The following LRCH3 variants were observed in gnomAD, a reference collection of about 807,000 sequenced individuals.
LRCH3 encodes the protein DISP complex protein LRCH3.
In LRCH3, 68 loss-of-function variants were observed where a neutral mutation model predicts 104.5. The observed-to-expected ratio is 0.65, with a 90% CI of 0.54 to 0.80. The LOEUF (loss-of-function observed/expected upper bound fraction) is 0.80, where lower values mean the gene tolerates loss of function less well. Among genes scored for constraint, LRCH3 ranks in the 30% least tolerant of loss-of-function variants. LRCH3 has a pLI of 0.00. For synonymous variants in LRCH3, 344 were observed against 361.3 expected (o/e 0.95, Z 0.54); for missense variants, 951 against 953.9 (o/e 1.00, Z 0.04).
chr3:197,835,335 C>T lies in LRCH3; in HGVS notation c.1103-339C>T, dbSNP rs142057161. 3.0e-3 allele frequency among the ~76,000 whole-genome samples: 457 copies of T among 151,648 alleles called. 5 individuals are homozygous for T. Among genetic ancestry groups the T allele is most frequent in the Middle Eastern group, 0.027 (8 of 294 alleles). Reference sequence around the variant, plus strand: ...AGTAGCTGGGACTACAGGCGTGTGCCACTAAGCCCAGCTAATTTTTGTATT... The same window carrying T: ...AGTAGCTGGGACTACAGGCGTGTGCTACTAAGCCCAGCTAATTTTTGTATT... On this transcript the variant is annotated intron_variant, in intron 8 of 20. Coordinates refer to ENST00000425562, the MANE Select transcript of LRCH3 (RefSeq NM_001365715.1).
rs1017560973 is a variant in LRCH3 at position 197,886,818 on chromosome 3, A to AAC, written c.*3153_*3154insCA. 2.6e-5 allele frequency: 4 copies of AAC among 151,976 alleles called. No homozygotes were observed. Among genetic ancestry groups the AAC allele is most frequent in the African/African-American group, 7.3e-5 (3 of 41,334 alleles). 9.4% of individuals were successfully genotyped at this position (151,976 alleles called of 1,614,324 possible). A position where few individuals can be genotyped will look rare whatever the true frequency, so the allele number is the denominator to read the frequency against. The stretch of plus-strand genomic sequence containing the variant: ...AGACTCTGTCTCAAAAAAAAAAAAA[A>AAC]AAAAAAACCCACCAAACCAAAAATA... On this transcript the variant is annotated 3_prime_UTR_variant, in exon 21 of 21. Coordinates refer to ENST00000425562, the MANE Select transcript of LRCH3 (RefSeq NM_001365715.1).
At chr3:197,859,847 T>A (rs1740680498) in intron 15 of LRCH3, among the ~76,000 whole-genome samples, 1 of 152,182 alleles carries the variant, frequency 6.6e-6, no homozygotes, top group African/African-American at 2.4e-5. Flanking sequence ...CATCCTTAGC[T>A]TCTTCCTAAA....
At chr3:197,850,407 C>T (rs1239705326) in intron 12 of LRCH3, 26 of 1,356,638 alleles carry the variant, frequency 1.9e-5, no homozygotes, top group South Asian at 8.4e-5. Context: ...AATTTACTCC[C>T]GTGCCGTAAG....
intron 1 of LRCH3, among the ~76,000 whole-genome samples, chr3:197,799,698 C>G (rs1731651893): frequency 6.6e-6 from 1 of 151,950 alleles, no homozygotes; most frequent in Non-Finnish European, 1.5e-5. Flanking sequence ...GAAACCCCGT[C>G]TCTACTAAAA....
In LRCH3 at chr3:197,825,464, A is replaced by ATTTTT. The variant is rs58237989; in HGVS notation, c.641-1385_641-1381dup. ...TAGACCTCTTTGTTGATCCTCTTTG[A>ATTTTT]TTTTTTTTTTTTTTTTTTTTTTTTT... On this transcript the variant is annotated intron_variant, in intron 4 of 20. Transcript: ENST00000425562. 3.5e-3 allele frequency among the ~76,000 whole-genome samples: 70 copies of ATTTTT among 20,072 alleles called. 22 individuals carry two copies. Among genetic ancestry groups the ATTTTT allele is most frequent in the Non-Finnish European group, 4.6e-3 (50 of 10,754 alleles). 13.2% of individuals were successfully genotyped at this position (20,072 alleles called of 152,430 possible).
chr3:197,804,445 A>G (rs1732247047), intron 1 of LRCH3, among the ~76,000 whole-genome samples: 1 of 151,960 alleles, frequency 6.6e-6, no homozygotes, highest in African/African-American at 2.4e-5. Context: ...CTTAAGTTAT[A>G]CTGGAAAATA....
At chr3:197,815,481 A>G (rs1257893912) in intron 2 of LRCH3, among the ~76,000 whole-genome samples, 1 of 152,184 alleles carries the variant, frequency 6.6e-6, no homozygotes, top group African/African-American at 2.4e-5. Context: ...TGTGGTTTCT[A>G]CTGAATGTGT....
At chr3:197,858,343 A>G (rs927292811) in intron 14 of LRCH3, among the ~76,000 whole-genome samples, 4 of 152,170 alleles carry the variant, frequency 2.6e-5, no homozygotes, top group African/African-American at 7.2e-5. Flanking sequence ...AGTCATTAGG[A>G]GTTTCACAGA....
chr3:197,808,716 C>CTCTT lies in LRCH3; in HGVS notation c.263-6192_263-6191insTCTT, dbSNP rs1457083451. 2.6e-5 allele frequency among the ~76,000 whole-genome samples: 4 copies of CTCTT among 151,628 alleles called. No individual in the cohort carries two copies. In the East Asian group the frequency reaches 7.8e-4, roughly 30 times the overall value. On this transcript the variant is annotated intron_variant, in intron 1 of 20. Coordinates refer to ENST00000425562, the MANE Select transcript of LRCH3 (RefSeq NM_001365715.1). ...CACTTGAGCCCAGGAGTTTCAAGAC[C>CTCTT]AGCCTGGGCAATGTGGCGAAACCCC...
intron 20 of LRCH3, chr3:197,881,195 C>A: frequency 9.9e-7 from 1 of 1,005,090 alleles, no homozygotes; most frequent in African/African-American, 1.7e-5. Flanking sequence ...TGGCCGCACC[C>A]GGTTACTTAG....
chr3:197,863,829 A>T (rs1329142044), intron 15 of LRCH3, among the ~76,000 whole-genome samples: 2 of 152,204 alleles, frequency 1.3e-5, no homozygotes, highest in African/African-American at 4.8e-5. Context: ...ATTACTTTTT[A>T]AAAATATTAA....
chr3:197,859,557 C>T (rs1428165105), intron 15 of LRCH3: 1 of 152,186 alleles, frequency 6.6e-6, no homozygotes, highest in Non-Finnish European at 1.5e-5. Flanking sequence ...TTAATCTAAA[C>T]TCTAAAAATT....
At chr3:197,861,856 T>C (rs1026091125) in intron 15 of LRCH3, among the ~76,000 whole-genome samples, 1 of 152,230 alleles carries the variant, frequency 6.6e-6, no homozygotes, top group African/African-American at 2.4e-5. Flanking sequence ...AAGCTAATGA[T>C]TTTTAGTATC....
At chr3:197,880,742 C>T (rs1328401711) in intron 20 of LRCH3, 6 of 1,536,472 alleles carry the variant, frequency 3.9e-6, no homozygotes, top group Non-Finnish European at 5.2e-6. Context: ...GACTTTCTGC[C>T]TCATTCCTGT....
At chr3:197,869,206 C>T (rs1376004968) in intron 17 of LRCH3, among the ~76,000 whole-genome samples, 1 of 152,218 alleles carries the variant, frequency 6.6e-6, no homozygotes, top group African/African-American at 2.4e-5. Flanking sequence ...ACTGTACCTG[C>T]AGGAAGTAGA....
intron 3 of LRCH3, among the ~76,000 whole-genome samples, chr3:197,817,970 G>A (rs1314594414): frequency 2.6e-5 from 4 of 152,076 alleles, no homozygotes; most frequent in African/African-American, 9.7e-5. Flanking sequence ...ACAGGCGCCC[G>A]CCACCATGCC....
chr3:197,805,500 G>C (rs1235623088), intron 1 of LRCH3, among the ~76,000 whole-genome samples: 2 of 151,822 alleles, frequency 1.3e-5, no homozygotes, highest in Non-Finnish European at 2.9e-5. Flanking sequence ...AAGATCTCTA[G>C]GCATCTCCCT....
At position 197,865,450 on chromosome 3, in the gene LRCH3, A is replaced by G. The variant is rs1334097181; in HGVS notation, c.1744A>G (p.Ser582Gly). 1.3e-6 allele frequency: 2 copies of G among 1,559,054 alleles called. No individual in the cohort carries two copies. Among genetic ancestry groups the G allele is most frequent in the East Asian group, 4.8e-5 (2 of 41,282 alleles). Residue 582 changes from serine (S) to glycine (G), a missense_variant, in exon 16 of 21, where the codon AGT (serine) becomes GGT (glycine). Transcript: ENST00000425562. ...KSDDRPNALL[S>G]SPATETVHHS... Reference sequence around the variant, plus strand: ...TGATGACAGACCTAATGCTCTATTAAGTTCACCTGCAACAGAAACAGGTAA... The same window carrying G: ...TGATGACAGACCTAATGCTCTATTAGGTTCACCTGCAACAGAAACAGGTAA...
At position 197,820,448 on chromosome 3, in the gene LRCH3, A is replaced by G. The variant is rs1267697381; in HGVS notation, c.640+18A>G. 2 of 1,396,014 alleles carry G rather than the reference A, an allele frequency of 1.4e-6. No individual in the cohort carries two copies. Among genetic ancestry groups the G allele is most frequent in the East Asian group, 4.6e-5 (2 of 43,834 alleles). The allele number at this position is 1,396,014 out of a possible 1,614,324, so 86.5% of individuals were successfully genotyped here. On this transcript the variant is annotated intron_variant, in intron 4 of 20. Coordinates refer to ENST00000425562, the MANE Select transcript of LRCH3 (RefSeq NM_001365715.1). ...GCCTGAAGGTAAGAAACTATGAAAT[A>G]AGAAACCATGAAATAATTGTTTTAT...
Sources: allele counts gnomAD v4.1 joint callset (sites outside exome capture counted in the v4.1 genomes callset), GRCh38; gene constraint gnomAD v4.1.1; transcripts MANE v1.5; gene names NCBI Gene and HGNC (gene_info 2026-07-23, HGNC 2026-07-21).